The following DMRT1 variants were observed in gnomAD, a reference collection of about 807,000 sequenced individuals.
DMRT1 encodes doublesex- and mab-3-related transcription factor 1.
In DMRT1, 7 loss-of-function variants were observed where a neutral mutation model predicts 32.3. The ratio of observed to expected loss-of-function variants is 0.22; its 90% CI spans 0.12 to 0.41. The LOEUF is 0.41. Among genes scored for constraint, DMRT1 ranks in the 10% least tolerant of loss-of-function variants. DMRT1 has a pLI of 1.00. For synonymous variants in DMRT1, 278 were observed against 206.1 expected, an observed-to-expected ratio of 1.35 and a Z score of -2.99; for missense variants, 625 against 500.5, an observed-to-expected ratio of 1.25 and a Z score of -2.37.
rs200263288 is a variant in DMRT1, at chr9:968,044, A to G, written c.1027A>G (p.Ile343Val). ...GGTTTCCCTCTCGAGCAGCTCTCCT[A>G]TTAGTAACAAGAGCACAAAGGCAGT... ...GLVSLSSSSP[I>V]SNKSTKAVLE... is the part of the protein sequence containing the mutation. Residue 343 changes from isoleucine to valine, a missense_variant, in exon 5 of 5, where the codon ATT becomes GTT. Around this residue, in one of 3 missense-constraint regions of DMRT1, gnomAD observed 416 missense variants for 321.6 expected, o/e 1.29. Coordinates refer to ENST00000382276, the MANE Select transcript of DMRT1 (RefSeq NM_021951.3). The G allele has an allele frequency of 5.5e-5, 89 of 1,614,022 alleles. 1 individual carries two copies. The African/African-American group carries it at 1.0e-3, about 18-fold the overall frequency.
intron 3 of DMRT1, among the ~76,000 whole-genome samples, chr9:902,406 G>A (rs1050621148): frequency 5.3e-5 from 8 of 151,534 alleles, no homozygotes; most frequent in Admixed American, 1.3e-4. Flanking sequence ...GTTCTTTAGG[G>A]GCTTCAGTGT....
chr9:967,939 A>ACTCCCTTT lies in DMRT1; in HGVS notation c.968-34_968-27dup, dbSNP rs112866575. ...ATAAAGACCAGCCACTTTTAACATT[A>ACTCCCTTT]CTCCCTTTCTCCCTTTCTCTCTTTC... On this transcript the variant is annotated intron_variant, in intron 4 of 4. Coordinates refer to ENST00000382276, the MANE Select transcript of DMRT1 (RefSeq NM_021951.3). The ACTCCCTTT allele has an allele frequency of 0.044, 60,943 of 1,400,230 alleles. 5,071 individuals are homozygous for ACTCCCTTT. Among genetic ancestry groups the ACTCCCTTT allele is most frequent in the East Asian group, 0.29 (12,775 of 44,170 alleles). The allele number at this position is 1,400,230 out of a possible 1,614,324, so 86.7% of individuals were successfully genotyped here. A position where few individuals can be genotyped will look rare whatever the true frequency, so the allele number is the denominator to read the frequency against.
chr9:923,568 A>AT (rs1349696620), intron 4 of DMRT1, among the ~76,000 whole-genome samples: 2 of 151,918 alleles, frequency 1.3e-5, no homozygotes, highest in Admixed American at 1.3e-4. Context: ...ACTTTCCCCC[A>AT]TTTTTTCCTG....
At chr9:937,994 T>C (rs1336974730) in intron 4 of DMRT1, among the ~76,000 whole-genome samples, 1 of 152,176 alleles carries the variant, frequency 6.6e-6, no homozygotes, top group Non-Finnish European at 1.5e-5. Context: ...TCTTAAGATC[T>C]TTCATTAATT....
intron 4 of DMRT1, among the ~76,000 whole-genome samples, chr9:938,931 G>C (rs950315854): frequency 6.6e-6 from 1 of 152,136 alleles, no homozygotes; most frequent in Non-Finnish European, 1.5e-5. Context: ...TTGTTTTCTG[G>C]ACTCTTTAAT....
At chr9:937,258 C>G (rs1433589414) in intron 4 of DMRT1, among the ~76,000 whole-genome samples, 1 of 152,166 alleles carries the variant, frequency 6.6e-6, no homozygotes, top group African/African-American at 2.4e-5. Flanking sequence ...TTGATGGGCA[C>G]TTGGGTTTCC....
chr9:917,827 TA>T (rs1272605419), intron 4 of DMRT1, among the ~76,000 whole-genome samples: 2 of 152,214 alleles, frequency 1.3e-5, no homozygotes, highest in Non-Finnish European at 2.9e-5. Context: ...CATATTAACA[TA>T]AAATAAAGGA....
intron 2 of DMRT1, among the ~76,000 whole-genome samples, chr9:859,885 T>C (rs938445624): frequency 9.9e-5 from 15 of 152,246 alleles, no homozygotes; most frequent in Non-Finnish European, 7.3e-5. Flanking sequence ...TAGATACTGC[T>C]TCAGCCATCC....
At chr9:846,225 G>T (rs1406070864) in intron 1 of DMRT1, among the ~76,000 whole-genome samples, 1 of 151,818 alleles carries the variant, frequency 6.6e-6, no homozygotes, top group African/African-American at 2.4e-5. Flanking sequence ...TGGAGATGGG[G>T]TTTCACCATG....
intron 2 of DMRT1, 98 bp from the exon 3 acceptor site, chr9:893,814 A>G (rs1817243582): frequency 8.9e-7 from 1 of 1,120,440 alleles, no homozygotes; most frequent in African/African-American, 1.5e-5. Flanking sequence ...ATATTCAGCT[A>G]CCTTGCTCCG....
chr9:865,460 A>G (rs1815939549), intron 2 of DMRT1, among the ~76,000 whole-genome samples: 2 of 151,956 alleles, frequency 1.3e-5, no homozygotes, highest in South Asian at 2.1e-4. Flanking sequence ...ATAAATATAT[A>G]TGATATATAT....
At chr9:922,478 C>T (rs553725636) in intron 4 of DMRT1, among the ~76,000 whole-genome samples, 1 of 152,314 alleles carries the variant, frequency 6.6e-6, no homozygotes, top group East Asian at 1.9e-4. Context: ...TGTGTTTTAA[C>T]AGATGCACCT....
chr9:844,865 C>T (rs1838838420), intron 1 of DMRT1, among the ~76,000 whole-genome samples: 1 of 151,848 alleles, frequency 6.6e-6, no homozygotes, highest in Admixed American at 6.6e-5. Context: ...GGACTACAGG[C>T]ACACGCCACC....
At chr9:851,028 C>CAAAAAAA (rs869227462) in intron 2 of DMRT1, among the ~76,000 whole-genome samples, 6 of 94,626 alleles carry the variant, frequency 6.3e-5, no homozygotes, top group African/African-American at 8.7e-5. Context: ...GACTCTATCT[C>CAAAAAAA]AAAAAAAAAA....
chr9:847,287 T>C, intron 2 of DMRT1, 144 bp downstream of exon 2: 1 of 836,488 alleles, frequency 1.2e-6, no homozygotes, highest in African/African-American at 1.7e-5. Flanking sequence ...TGTGAAGGGC[T>C]GTTTGTGCCT....
intron 2 of DMRT1, among the ~76,000 whole-genome samples, chr9:889,910 A>C (rs1257510008): frequency 6.6e-6 from 1 of 152,174 alleles, no homozygotes; most frequent in Non-Finnish European, 1.5e-5. Context: ...TGAACCATTA[A>C]TGTTTATGAC....
chr9:918,317 C>G (rs1818246722), intron 4 of DMRT1, among the ~76,000 whole-genome samples: 1 of 152,202 alleles, frequency 6.6e-6, no homozygotes, highest in Non-Finnish European at 1.5e-5. Context: ...AAGAAATTGC[C>G]TGAGCTTCTT....
At chr9:853,169 A>T (rs1015602254) in intron 2 of DMRT1, among the ~76,000 whole-genome samples, 1 of 152,128 alleles carries the variant, frequency 6.6e-6, no homozygotes, top group African/African-American at 2.4e-5. Flanking sequence ...GCCCCAACAC[A>T]TGCAGAGCCT....
intron 4 of DMRT1, among the ~76,000 whole-genome samples, chr9:941,956 A>G (rs1352164093): frequency 6.6e-6 from 1 of 152,196 alleles, no homozygotes; most frequent in Non-Finnish European, 1.5e-5. Context: ...GGACATCTGC[A>G]CTTATATCCA....
Sources: gnomAD v4.1 joint callset for allele counts (sites outside exome capture counted in the v4.1 genomes callset) on GRCh38, gnomAD v4.1.1 for gene constraint, gnomAD v4.1.1 regional missense constraint, MANE v1.5 for transcripts, NCBI Gene and HGNC (gene_info 2026-07-23, HGNC 2026-07-21) for gene names.